Variants in CNTN5 observed in about 807,000 individuals in gnomAD.
The protein encoded by CNTN5 is contactin 5.
Under a neutral mutation model 129.1 loss-of-function variants are expected in CNTN5, and 77 were observed. The ratio of observed to expected loss-of-function variants is 0.60; its 90% CI spans 0.50 to 0.72. The LOEUF is 0.72. CNTN5 is among the 30% of genes least tolerant of loss of function. CNTN5 has a pLI of 0.00. For synonymous variants in CNTN5, 509 were observed against 465.6 expected, an observed-to-expected ratio of 1.09 and a Z score of -1.20; for missense variants, 1,478 against 1,328.8, an observed-to-expected ratio of 1.11 and a Z score of -1.75.
intron 23 of CNTN5, among the ~76,000 whole-genome samples, chr11:100,346,152 C>G (rs1952273378): frequency 6.6e-6 from 1 of 151,876 alleles, no homozygotes; most frequent in Non-Finnish European, 1.5e-5. Flanking sequence ...GTTTTCTTAC[C>G]TTGACTTATT....
intron 2 of CNTN5, among the ~76,000 whole-genome samples, chr11:99,462,325 TTTTC>T (rs767088309): frequency 8.7e-5 from 13 of 149,964 alleles, no homozygotes; most frequent in Non-Finnish European, 1.8e-4. Context: ...AGATTGTCCT[TTTTC>T]TTTCTTTTTT....
chr11:100,292,943 T>C (rs1951023027), intron 18 of CNTN5, among the ~76,000 whole-genome samples: 1 of 151,900 alleles, frequency 6.6e-6, no homozygotes, highest in Admixed American at 6.6e-5. Context: ...GATCCTGCTC[T>C]GTTGACATTT....
chr11:99,654,132 T>G (rs1952260671), intron 3 of CNTN5, among the ~76,000 whole-genome samples: 1 of 152,110 alleles, frequency 6.6e-6, no homozygotes, highest in Non-Finnish European at 1.5e-5. Flanking sequence ...ACTGAGTCTT[T>G]GCTTGAATTT....
chr11:99,434,427 T>C (rs985820521), intron 2 of CNTN5, among the ~76,000 whole-genome samples: 2 of 152,170 alleles, frequency 1.3e-5, no homozygotes, highest in Non-Finnish European at 2.9e-5. Flanking sequence ...CAACATTATA[T>C]TATATATTGT....
chr11:99,646,578 A>C (rs1220181800), intron 3 of CNTN5, among the ~76,000 whole-genome samples: 7 of 152,200 alleles, frequency 4.6e-5, no homozygotes, highest in Admixed American at 4.6e-4. Flanking sequence ...ATGACTATTT[A>C]GAACATAAAG....
chr11:99,930,707 G>C (rs569024951), intron 7 of CNTN5, among the ~76,000 whole-genome samples: 1 of 152,108 alleles, frequency 6.6e-6, no homozygotes, highest in South Asian at 2.1e-4. Context: ...TATTTTGATT[G>C]ACTTAACTAA....
chr11:100,238,997 T>C (rs1259810033), intron 16 of CNTN5, among the ~76,000 whole-genome samples: 1 of 152,212 alleles, frequency 6.6e-6, no homozygotes, highest in African/African-American at 2.4e-5. Flanking sequence ...CTTGGCATAA[T>C]TGGGTTCTCT....
rs559262825 is a variant in CNTN5, at chr11:100,358,163, C to T, written c.*1943C>T. 6.1e-4 allele frequency: 93 copies of T among 151,928 alleles called. No individual in the cohort carries two copies. Among genetic ancestry groups the T allele is most frequent in the African/African-American group, 2.1e-3 (87 of 41,530 alleles). 9.4% of individuals were successfully genotyped at this position (151,928 alleles called of 1,614,324 possible). On this transcript the variant is annotated 3_prime_UTR_variant, in exon 25 of 25. Transcript: ENST00000524871. ...ATATTTTTAATGCAAAATAATTTTA[C>T]GTATTTCATGAATCAAGCCATTTTC...
chr11:99,340,068 A>G (rs1393813613), intron 2 of CNTN5, among the ~76,000 whole-genome samples: 1 of 152,166 alleles, frequency 6.6e-6, no homozygotes, highest in African/African-American at 2.4e-5. Flanking sequence ...TATGACATGT[A>G]AGAAAAGGGA....
At chr11:99,370,817 T>C (rs1284686382) in intron 2 of CNTN5, among the ~76,000 whole-genome samples, 4 of 152,220 alleles carry the variant, frequency 2.6e-5, no homozygotes, top group African/African-American at 9.6e-5. Flanking sequence ...AATGAGTTTC[T>C]GAACTTTGGA....
intron 6 of CNTN5, among the ~76,000 whole-genome samples, chr11:99,914,923 C>A (rs1180974787): frequency 2.0e-5 from 3 of 152,044 alleles, no homozygotes; most frequent in East Asian, 1.9e-4. Flanking sequence ...TCCTTCATAT[C>A]CACTAGTGTA....
intron 21 of CNTN5, among the ~76,000 whole-genome samples, chr11:100,329,095 A>C (rs1951849097): frequency 1.3e-5 from 2 of 152,116 alleles, no homozygotes; most frequent in Non-Finnish European, 1.5e-5. Flanking sequence ...GCGTGGTGGG[A>C]GTGAGACCAG....
chr11:99,819,170 AT>A (rs1460240673), intron 3 of CNTN5, among the ~76,000 whole-genome samples: 1 of 150,362 alleles, frequency 6.7e-6, no homozygotes, highest in Non-Finnish European at 1.5e-5. Context: ...TAATTTACAA[AT>A]TTTCCTGACA....
intron 3 of CNTN5, among the ~76,000 whole-genome samples, chr11:99,556,475 A>C (rs887832994): frequency 2.7e-5 from 4 of 148,508 alleles, no homozygotes; most frequent in Admixed American, 2.1e-4. Context: ...AAGGTACACT[A>C]TAAATGTTAA....
At chr11:99,132,094 C>T (rs1858970025) in intron 1 of CNTN5, among the ~76,000 whole-genome samples, 1 of 152,114 alleles carries the variant, frequency 6.6e-6, no homozygotes, top group Non-Finnish European at 1.5e-5. Flanking sequence ...GCTGGTTCAA[C>T]ATACGCAAAT....
At chr11:99,553,786 A>G (rs1056572171) in intron 2 of CNTN5, among the ~76,000 whole-genome samples, 1 of 152,024 alleles carries the variant, frequency 6.6e-6, no homozygotes, top group Non-Finnish European at 1.5e-5. Flanking sequence ...TCTCAATACT[A>G]GAAAGAGACA....
intron 3 of CNTN5, among the ~76,000 whole-genome samples, chr11:99,742,853 A>G (rs1204405613): frequency 6.6e-6 from 1 of 152,186 alleles, no homozygotes; most frequent in African/African-American, 2.4e-5. Context: ...TGTTGGGCAT[A>G]CTTCCAGTCA....
intron 1 of CNTN5, among the ~76,000 whole-genome samples, chr11:99,220,680 T>C (rs1349795134): frequency 1.3e-5 from 2 of 152,008 alleles, no homozygotes; most frequent in East Asian, 3.8e-4. Flanking sequence ...GGAACTTATA[T>C]AATTTTACTT....
chr11:99,683,498 T>C (rs890596266), intron 3 of CNTN5, among the ~76,000 whole-genome samples: 2 of 151,948 alleles, frequency 1.3e-5, no homozygotes. Flanking sequence ...GGTTTATTTG[T>C]ATATCGTTGT....
Sources: allele counts gnomAD v4.1 joint callset (sites outside exome capture counted in the v4.1 genomes callset), GRCh38; gene constraint gnomAD v4.1.1; transcripts MANE v1.5; gene names NCBI Gene and HGNC (gene_info 2026-07-23, HGNC 2026-07-21).